The following C5 variants were observed in gnomAD, a reference collection of about 807,000 sequenced individuals.
The protein encoded by C5 is C3 and PZP-like alpha-2-macroglobulin domain-containing protein 4.
A neutral mutation model predicts 218.8 loss-of-function variants in C5; 140 were observed. The ratio of observed to expected loss-of-function variants is 0.64; its 90% CI spans 0.56 to 0.74. The LOEUF (loss-of-function observed/expected upper bound fraction) is 0.74, where lower values mean the gene tolerates loss of function less well. Among genes scored for constraint, C5 ranks in the 30% least tolerant of loss-of-function variants. The pLI, the probability that C5 is intolerant of heterozygous loss-of-function variation, is 0.00. For synonymous variants in C5, 614 were observed against 682.3 expected (o/e 0.90, Z 1.56); for missense variants, 1,700 against 1,969.6 (o/e 0.86, Z 2.59).
intron 29 of C5, among the ~76,000 whole-genome samples, chr9:120,975,468 C>T (rs1016645084): frequency 2.0e-5 from 3 of 152,092 alleles, no homozygotes; most frequent in African/African-American, 7.2e-5. Flanking sequence ...GAATGTGTCC[C>T]CCAAAGTTCA....
chr9:120,987,274 A>C (rs187063979), intron 25 of C5, among the ~76,000 whole-genome samples: 135 of 152,278 alleles, frequency 8.9e-4, no homozygotes, highest in African/African-American at 3.1e-3. Context: ...ATCATGGGCA[A>C]TAATGAGACT....
At chr9:121,071,912 T>C in the C5 span, among the ~76,000 whole-genome samples, 1 of 152,214 alleles carries the variant, frequency 6.6e-6, no homozygotes. Context: ...CTAATATTTG[T>C]ATTGTAAATG....
intron 4 of C5, among the ~76,000 whole-genome samples, chr9:121,036,003 T>G (rs2047521049): frequency 1.3e-5 from 2 of 150,910 alleles, no homozygotes; most frequent in South Asian, 4.3e-4. Context: ...TGAGCTATGA[T>G]CACACCACTG....
At chr9:121,035,296 T>G (rs1319940774) in intron 4 of C5, among the ~76,000 whole-genome samples, 1 of 152,246 alleles carries the variant, frequency 6.6e-6, no homozygotes, top group African/African-American at 2.4e-5. Context: ...TATGTTCATT[T>G]AAAGCTTTCA....
intron 28 of C5, among the ~76,000 whole-genome samples, chr9:120,977,155 T>C (rs995882089): frequency 6.6e-6 from 1 of 152,196 alleles, no homozygotes; most frequent in African/African-American, 2.4e-5. Flanking sequence ...GTTTTTGAGC[T>C]CTGACATGAT....
At chr9:121,004,054 A>G (rs1016835326) in intron 20 of C5, among the ~76,000 whole-genome samples, 9 of 152,058 alleles carry the variant, frequency 5.9e-5, no homozygotes, top group African/African-American at 2.2e-4. Flanking sequence ...TATTTTTAGT[A>G]GAGATGGGGT....
At chr9:120,958,517 T>A (rs746453717) in intron 38 of C5, among the ~76,000 whole-genome samples, 25 of 151,854 alleles carry the variant, frequency 1.6e-4, no homozygotes, top group Admixed American at 2.6e-4. Flanking sequence ...CAAGTCTTCA[T>A]GTATTTAACA....
At position 121,017,518 on chromosome 9, in the gene C5, G is replaced by A; in HGVS notation, c.1717-7C>T. 6.2e-7 allele frequency: 1 copy of A among 1,613,510 alleles called. No individual in the cohort carries two copies. Among genetic ancestry groups the A allele is most frequent in the Non-Finnish European group, 8.5e-7 (1 of 1,179,824 alleles). On this transcript the variant is annotated splice_region_variant and splice_polypyrimidine_tract_variant and intron_variant, in intron 13 of 40. Transcript: ENST00000223642. ...CATCAGGAGACAGATGAACCTAAAA[G>A]TTCATTTGAAAAAGAAAAGAAAAGA...
At chr9:121,014,141 A>T in intron 16 of C5, 71 bp from the exon 17 acceptor site, 1 of 1,328,530 alleles carries the variant, frequency 7.5e-7, no homozygotes, top group South Asian at 1.2e-5. Flanking sequence ...AAGGAATCTC[A>T]AGGGATACCT....
chr9:120,972,071 G>T, intron 30 of C5, 79 bp from the exon 31 acceptor site: 3 of 1,172,600 alleles, frequency 2.6e-6, no homozygotes, highest in Non-Finnish European at 3.8e-6. Flanking sequence ...TGAAAAGTGG[G>T]TTGACATGTA....
At chr9:120,999,082 T>C (rs963442506) in intron 20 of C5, among the ~76,000 whole-genome samples, 4 of 152,096 alleles carry the variant, frequency 2.6e-5, no homozygotes, top group Admixed American at 1.3e-4. Context: ...AGTCATTTAA[T>C]ACAATTCAGC....
chr9:120,997,144 T>G (rs890693833), intron 21 of C5, among the ~76,000 whole-genome samples: 13 of 152,042 alleles, frequency 8.6e-5, no homozygotes, highest in African/African-American at 3.1e-4. Flanking sequence ...CCTTGCATAA[T>G]GTCTGGCACA....
intron 39 of C5, among the ~76,000 whole-genome samples, chr9:120,956,611 G>A (rs79866159): frequency 4.6e-5 from 7 of 152,182 alleles, no homozygotes; most frequent in Non-Finnish European, 7.4e-5. Flanking sequence ...GGAATTCTAA[G>A]CAAAAAGAAC....
chr9:121,000,008 G>A (rs1036062605), intron 20 of C5: 12 of 416,166 alleles, frequency 2.9e-5, no homozygotes, highest in East Asian at 8.1e-5. Context: ...GCAGTGACCC[G>A]AGATCTTCCC....
At chr9:120,960,132 A>C in intron 38 of C5, 116 bp downstream of exon 38, 1 of 705,398 alleles carries the variant, frequency 1.4e-6, no homozygotes, top group East Asian at 2.7e-5. Flanking sequence ...CCTTCAGGGG[A>C]TCACATGGAA....
At chr9:120,972,018 C>A in intron 30 of C5, 26 bp from the exon 31 acceptor site, 2 of 1,589,586 alleles carry the variant, frequency 1.3e-6, no homozygotes, top group Non-Finnish European at 1.7e-6. Flanking sequence ...AGAAACAAAC[C>A]ATGCTTTCTT....
At chr9:121,016,850 G>A (rs534964843) in intron 14 of C5, among the ~76,000 whole-genome samples, 3 of 152,200 alleles carry the variant, frequency 2.0e-5, no homozygotes, top group East Asian at 3.9e-4. Context: ...TTCGTTCTCC[G>A]AGTATTTTTT....
chr9:120,974,909 C>T lies in C5; in HGVS notation c.3887G>A (p.Gly1296Asp). Residue 1296 changes from glycine to aspartate, a missense_variant, in exon 30 of 41, where the codon GGC becomes GAC. Transcript: ENST00000223642. Reference protein sequence around the residue: ...STQDTINAIEGLTEYSLLVKQ... With the variant: ...STQDTINAIEDLTEYSLLVKQ... ...AACCAGGAGTGAATATTCCGTCAGG[C>T]CCTCAATGGCATTGATTGTGTCCTG... The T allele has an allele frequency of 6.2e-7, 1 of 1,614,188 alleles. No homozygotes were observed.
At chr9:121,046,132 C>A in intron 2 of C5, 59 bp downstream of exon 2, 1 of 872,024 alleles carries the variant, frequency 1.1e-6, no homozygotes, top group Non-Finnish European at 1.8e-6. Context: ...ACTTTGTACA[C>A]ATTTTTATTG....
Sources: allele counts gnomAD v4.1 joint callset (sites outside exome capture counted in the v4.1 genomes callset), GRCh38; gene constraint gnomAD v4.1.1; transcripts MANE v1.5; gene names NCBI Gene and HGNC (gene_info 2026-07-23, HGNC 2026-07-21).